NOSTRIN: variants seen among roughly 807,000 people sequenced by gnomAD.
The protein encoded by NOSTRIN is BM247 homolog.
Under a neutral mutation model 59.0 loss-of-function variants are expected in NOSTRIN, and 63 were observed. The observed-to-expected ratio is 1.07, with a 90% confidence interval of 0.87 to 1.32. NOSTRIN has a LOEUF of 1.32. Among genes scored for constraint, NOSTRIN ranks in the 40% most tolerant of loss-of-function variants. The pLI is 0.00. For synonymous variants in NOSTRIN, 200 were observed against 165.4 expected (o/e 1.21, Z -1.61); for missense variants, 512 against 473.1 (o/e 1.08, Z -0.76).
At chr2:168,829,351 G>A (rs1221404584) in intron 5 of NOSTRIN, among the ~76,000 whole-genome samples, 1 of 120,570 alleles carries the variant, frequency 8.3e-6, no homozygotes, top group Non-Finnish European at 1.7e-5. Context: ...ACGGAGTTTT[G>A]CTCTTGTCAC....
intron 1 of NOSTRIN, among the ~76,000 whole-genome samples, chr2:168,806,699 G>T (rs1335357758): frequency 6.6e-6 from 1 of 152,066 alleles, no homozygotes; most frequent in Non-Finnish European, 1.5e-5. Flanking sequence ...GTCCCCAGGA[G>T]AAGCAGCATA....
intron 12 of NOSTRIN, among the ~76,000 whole-genome samples, chr2:168,857,383 G>A (rs1450223100): frequency 6.6e-6 from 1 of 152,136 alleles, no homozygotes; most frequent in Non-Finnish European, 1.5e-5. Context: ...GAATAGGGCA[G>A]TCTGGTGTGT....
chr2:168,851,452 G>A (rs1189122396), intron 10 of NOSTRIN, 48 bp downstream of exon 10: 1 of 1,554,482 alleles, frequency 6.4e-7, no homozygotes, highest in Non-Finnish European at 8.6e-7. Flanking sequence ...AGAATCTTAG[G>A]TACTGAGGGA....
intron 2 of NOSTRIN, among the ~76,000 whole-genome samples, chr2:168,817,159 A>T (rs547456459): frequency 6.6e-6 from 1 of 152,186 alleles, no homozygotes; most frequent in Non-Finnish European, 1.5e-5. Context: ...TATGGAAAAG[A>T]TGATACATTT....
At chr2:168,850,166 G>T (rs553201256) in intron 8 of NOSTRIN, among the ~76,000 whole-genome samples, 16 of 152,098 alleles carry the variant, frequency 1.1e-4, no homozygotes, top group Admixed American at 8.5e-4. Flanking sequence ...TCCCACCCTG[G>T]CCTCCCAACG....
At chr2:168,831,264 T>C (rs1351609730) in intron 5 of NOSTRIN, among the ~76,000 whole-genome samples, 1 of 152,182 alleles carries the variant, frequency 6.6e-6, no homozygotes, top group Admixed American at 6.5e-5. Flanking sequence ...AGGCAGCTCT[T>C]GGGGTCTCTT....
At chr2:168,797,188 C>T (rs771540997), upstream of NOSTRIN, among the ~76,000 whole-genome samples, 1 of 148,910 alleles carries the variant, frequency 6.7e-6, no homozygotes, top group Non-Finnish European at 1.5e-5. Context: ...TCCCCAAGCT[C>T]AGGTGATCCT....
chr2:168,804,967 T>C (rs1304113174), intron 1 of NOSTRIN, among the ~76,000 whole-genome samples: 2 of 152,208 alleles, frequency 1.3e-5, no homozygotes, highest in African/African-American at 4.8e-5. Flanking sequence ...CTTCAAAATG[T>C]TGGTAATACT....
intron 3 of NOSTRIN, 82 bp downstream of exon 3, chr2:168,824,799 CAG>C (rs1264282951): frequency 5.9e-6 from 2 of 341,570 alleles, no homozygotes; most frequent in African/African-American, 5.6e-5. Context: ...TTTTTTGAGA[CAG>C]GGTCTTGCTC....
intron 10 of NOSTRIN, among the ~76,000 whole-genome samples, chr2:168,854,605 T>A (rs1321212890): frequency 6.6e-6 from 1 of 152,138 alleles, no homozygotes; most frequent in Non-Finnish European, 1.5e-5. Context: ...TCTTCCCCTA[T>A]TTTTTTGCTC....
At chr2:168,806,292 C>T (rs1685848495) in intron 1 of NOSTRIN, among the ~76,000 whole-genome samples, 2 of 152,060 alleles carry the variant, frequency 1.3e-5, no homozygotes, top group South Asian at 4.2e-4. Flanking sequence ...TCTGTACTAG[C>T]ATCAATAAAA....
At chr2:168,844,303 A>G (rs2105724468) in intron 8 of NOSTRIN, among the ~76,000 whole-genome samples, 1 of 152,338 alleles carries the variant, frequency 6.6e-6, no homozygotes, top group East Asian at 1.9e-4. Context: ...CCCAGGCTCT[A>G]CATAAATATG....
chr2:168,852,360 G>A (rs1688818589), intron 10 of NOSTRIN, among the ~76,000 whole-genome samples: 1 of 152,120 alleles, frequency 6.6e-6, no homozygotes, highest in African/African-American at 2.4e-5. Context: ...TGTCCCTGGT[G>A]AGAGCCCAAG....
intron 8 of NOSTRIN, 167 bp from the exon 9 acceptor site, chr2:168,850,917 A>C (rs1420181373): frequency 1.3e-6 from 1 of 799,570 alleles, no homozygotes; most frequent in South Asian, 1.4e-5. Flanking sequence ...ATACCAAGAC[A>C]CATTCCTTCC....
intron 15 of NOSTRIN, chr2:168,863,527 T>C: frequency 1.0e-6 from 1 of 985,372 alleles, no homozygotes; most frequent in African/African-American, 1.7e-5. Context: ...CCATGTTTCT[T>C]GTCCAATTCT....
chr2:168,792,764 T>A (rs1052627823), intron 2 of NOSTRIN, among the ~76,000 whole-genome samples: 2 of 152,128 alleles, frequency 1.3e-5, no homozygotes, highest in Admixed American at 6.5e-5. Flanking sequence ...ATAGCCAGCA[T>A]ACCTGGCCAT....
chr2:168,807,506 G>T (rs1292222847), intron 1 of NOSTRIN, among the ~76,000 whole-genome samples: 1 of 152,094 alleles, frequency 6.6e-6, no homozygotes, highest in African/African-American at 2.4e-5. Context: ...TTTGTTGGGG[G>T]AATTTTTGGC....
At chr2:168,823,393 A>G (rs749866364) in intron 2 of NOSTRIN, among the ~76,000 whole-genome samples, 2 of 152,168 alleles carry the variant, frequency 1.3e-5, no homozygotes, top group Admixed American at 6.5e-5. Context: ...GTGTTGTCTC[A>G]CAGTTCTGCA....
At chr2:168,805,752 G>C (rs1263727655) in intron 1 of NOSTRIN, among the ~76,000 whole-genome samples, 1 of 152,152 alleles carries the variant, frequency 6.6e-6, no homozygotes, top group Non-Finnish European at 1.5e-5. Flanking sequence ...GCCAACCTGA[G>C]CTTCCCATCT....
Sources: gnomAD v4.1 joint callset for allele counts (sites outside exome capture counted in the v4.1 genomes callset) on GRCh38, gnomAD v4.1.1 for gene constraint, MANE v1.5 for transcripts, NCBI Gene and HGNC (gene_info 2026-07-23, HGNC 2026-07-21) for gene names.